LRFN5: variants seen among roughly 807,000 people sequenced by gnomAD.
LRFN5 encodes the protein leucine-rich repeat and fibronectin type-III domain-containing protein 5.
LRFN5 carries 24 observed loss-of-function variants against 45.6 expected under a neutral mutation model. The ratio of observed to expected loss-of-function variants is 0.53; its 90% CI spans 0.38 to 0.74. LRFN5 has a LOEUF of 0.74. Among genes scored for constraint, LRFN5 ranks in the 30% least tolerant of loss-of-function variants. The pLI, the probability that LRFN5 is intolerant of heterozygous loss-of-function variation, is 0.00. For synonymous variants in LRFN5, 340 were observed against 313.8 expected (o/e 1.08, Z -0.88); for missense variants, 776 against 861.5 (o/e 0.90, Z 1.24).
At position 41,887,680 on chromosome 14, in the gene LRFN5, C is replaced by T. The variant is rs766205250; in HGVS notation, c.1055C>T (p.Thr352Ile). The T allele has an allele frequency of 1.2e-6, 2 of 1,614,174 alleles. No homozygotes were observed. Among genetic ancestry groups the T allele is most frequent in the Admixed American group, 3.3e-5 (2 of 60,022 alleles). Residue 352 changes from threonine (T) to isoleucine (I), a missense_variant, in exon 3 of 6, where the codon ACA (threonine) becomes ATA (isoleucine). By Grantham distance (89) the Thr-to-Ile change is moderately conservative. Coordinates refer to ENST00000298119, the MANE Select transcript of LRFN5 (RefSeq NM_152447.5). The surrounding 1 kb of genome is among the most constrained non-coding windows in gnomAD (Gnocchi z 4.8). ...LDILITTVKD[T>I]GAFTCIASNP... ...ATTCTTATCACAACTGTAAAGGATA[C>T]AGGTGCTTTTACCTGCATTGCTTCC...
At chr14:41,898,628 A>C (rs1252253171) in intron 4 of LRFN5, among the ~76,000 whole-genome samples, 1 of 152,094 alleles carries the variant, frequency 6.6e-6, no homozygotes, top group Non-Finnish European at 1.5e-5. Context: ...GAACTCTGTC[A>C]CGAATACCAA....
chr14:41,609,951 G>A (rs1217076478), intron 1 of LRFN5, among the ~76,000 whole-genome samples: 1 of 152,240 alleles, frequency 6.6e-6, no homozygotes, highest in East Asian at 1.9e-4. Flanking sequence ...GCTTGTCCCT[G>A]CGCACTGACG....
At position 41,721,359 on chromosome 14, in the gene LRFN5, G is replaced by A. The variant is rs551999860; in HGVS notation, c.-196-45495G>A. Among the ~76,000 whole-genome samples the A allele has an allele frequency of 6.6e-5, 10 of 152,212 alleles. No individual in the cohort carries two copies. In the East Asian group the frequency reaches 1.7e-3, roughly 26 times the overall value. Reference sequence around the variant, plus strand: ...CTGTGCCTGTTAAATGGGGCATTTAGATCATTCACATTCAAGGTTAATATT... The same window carrying A: ...CTGTGCCTGTTAAATGGGGCATTTAAATCATTCACATTCAAGGTTAATATT... On this transcript the variant is annotated intron_variant, in intron 1 of 5. Coordinates refer to ENST00000298119, the MANE Select transcript of LRFN5 (RefSeq NM_152447.5).
chr14:41,761,608 G>C (rs1286729013), intron 1 of LRFN5, among the ~76,000 whole-genome samples: 1 of 152,016 alleles, frequency 6.6e-6, no homozygotes, highest in South Asian at 2.1e-4. Context: ...AGCACAACAT[G>C]AGCTAGCAAA....
chr14:41,774,652 T>C (rs1886211716), intron 2 of LRFN5, among the ~76,000 whole-genome samples: 1 of 152,196 alleles, frequency 6.6e-6, no homozygotes. Context: ...AAAACATTAA[T>C]AGCATAAGAA....
rs376234637 is a variant in LRFN5, at chr14:41,849,063, C to T, written c.-20-37543C>T. Reference sequence around the variant, plus strand: ...TGTTTGACACATGAGAATCAACTTGCGCTGATGTGATCTCCATTTATGCCC... The same window carrying T: ...TGTTTGACACATGAGAATCAACTTGTGCTGATGTGATCTCCATTTATGCCC... On this transcript the variant is annotated intron_variant, in intron 2 of 5. Transcript: ENST00000298119. Among the ~76,000 whole-genome samples the T allele has an allele frequency of 5.9e-5, 9 of 152,026 alleles. No individual in the cohort carries two copies. In the East Asian group the frequency reaches 9.7e-4, roughly 16 times the overall value.
At chr14:41,695,852 A>T (rs867320838) in intron 1 of LRFN5, among the ~76,000 whole-genome samples, 1 of 151,956 alleles carries the variant, frequency 6.6e-6, no homozygotes, top group Non-Finnish European at 1.5e-5. Flanking sequence ...CAATTCATGG[A>T]TCAACAAGTA....
chr14:41,758,896 C>T (rs541908457), intron 1 of LRFN5, among the ~76,000 whole-genome samples: 10 of 152,062 alleles, frequency 6.6e-5, no homozygotes, highest in African/African-American at 2.4e-4. Flanking sequence ...AAACTTTCTC[C>T]TCAAGAGATG....
chr14:41,704,144 G>GGCTACTGCATTGCGC (rs1882950774), intron 1 of LRFN5, among the ~76,000 whole-genome samples: 1 of 152,054 alleles, frequency 6.6e-6, no homozygotes, highest in Non-Finnish European at 1.5e-5. Flanking sequence ...CTTTACCAGT[G>GGCTACTGCATTGCGC]GCTACTGCAT....
chr14:41,862,995 G>T (rs1370184545), intron 2 of LRFN5, among the ~76,000 whole-genome samples: 1 of 151,436 alleles, frequency 6.6e-6, no homozygotes, highest in East Asian at 2.0e-4. Context: ...CTCCCGAGTA[G>T]GTGGGACTAC....
chr14:41,824,349 G>A (rs1041531734), intron 2 of LRFN5, among the ~76,000 whole-genome samples: 1 of 152,178 alleles, frequency 6.6e-6, no homozygotes, highest in South Asian at 2.1e-4. Flanking sequence ...CTCCCAAAGG[G>A]TGTGTAGGTT....
At chr14:41,749,157 G>C (rs1013571897) in intron 1 of LRFN5, among the ~76,000 whole-genome samples, 1 of 151,930 alleles carries the variant, frequency 6.6e-6, no homozygotes, top group Non-Finnish European at 1.5e-5. Flanking sequence ...CCTCTTAAAG[G>C]CCTCACCTCT....
chr14:41,761,603 A>C (rs966167843), intron 1 of LRFN5, among the ~76,000 whole-genome samples: 1 of 152,160 alleles, frequency 6.6e-6, no homozygotes, highest in African/African-American at 2.4e-5. Flanking sequence ...GTCAGAGCAC[A>C]ACATGAGCTA....
chr14:41,883,884 G>A (rs1025500573), intron 2 of LRFN5, among the ~76,000 whole-genome samples: 1 of 151,952 alleles, frequency 6.6e-6, no homozygotes, highest in African/African-American at 2.4e-5. Flanking sequence ...CTGCCTAACA[G>A]CATTCTTCTG....
intron 2 of LRFN5, among the ~76,000 whole-genome samples, chr14:41,857,852 C>T (rs1889525389): frequency 6.6e-6 from 1 of 152,068 alleles, no homozygotes; most frequent in African/African-American, 2.4e-5. Flanking sequence ...TATGCTGAAA[C>T]TTGAAGTTTG....
chr14:41,614,272 C>T (rs565723940), intron 1 of LRFN5, among the ~76,000 whole-genome samples: 4 of 152,052 alleles, frequency 2.6e-5, no homozygotes, highest in South Asian at 4.1e-4. Context: ...CTTTATTTTA[C>T]GTGGATAGAT....
chr14:41,840,628 G>C lies in LRFN5; in HGVS notation c.-20-45978G>C, dbSNP rs150894995. Among the ~76,000 whole-genome samples the C allele has an allele frequency of 1.1e-3, 163 of 152,060 alleles. 1 individual carries two copies. Among genetic ancestry groups the C allele is most frequent in the African/African-American group, 3.4e-3 (141 of 41,532 alleles). On this transcript the variant is annotated intron_variant, in intron 2 of 5. Coordinates refer to ENST00000298119, the MANE Select transcript of LRFN5 (RefSeq NM_152447.5). The stretch of plus-strand genomic sequence containing the variant: ...TAAATATTTTCTGTGTACATCAATA[G>C]TTAATATTCTTTTTCCCCTCATCCC...
At chr14:41,818,722 TC>T (rs1447790536) in intron 2 of LRFN5, among the ~76,000 whole-genome samples, 3 of 152,260 alleles carry the variant, frequency 2.0e-5, no homozygotes, top group African/African-American at 7.2e-5. Context: ...TTGTGTTGAT[TC>T]TTTGTTTCAT....
In LRFN5 at chr14:41,852,545, A is replaced by G. The variant is rs545594940; in HGVS notation, c.-20-34061A>G. ...TCAGACTTTCAGATACTACATATTG[A>G]CATAAAGTTTTGTTTCTCCCATTTC... On this transcript the variant is annotated intron_variant, in intron 2 of 5. Coordinates refer to ENST00000298119, the MANE Select transcript of LRFN5 (RefSeq NM_152447.5). 3.9e-5 allele frequency among the ~76,000 whole-genome samples: 6 copies of G among 152,062 alleles called. No homozygotes were observed. In the East Asian group the frequency reaches 1.2e-3, roughly 29 times the overall value.
Sources: gnomAD v4.1 joint callset for allele counts (sites outside exome capture counted in the v4.1 genomes callset) on GRCh38, gnomAD v4.1.1 for gene constraint, Gnocchi (gnomAD v3.1) non-coding constraint, MANE v1.5 for transcripts, NCBI Gene and HGNC (gene_info 2026-07-23, HGNC 2026-07-21) for gene names.